The following KLHL29 variants were observed in gnomAD, a reference collection of about 807,000 sequenced individuals.
KLHL29 encodes kelch like family member 29.
KLHL29 carries 21 observed loss-of-function variants against 80.4 expected under a neutral mutation model. The observed-to-expected ratio is 0.26, with a 90% CI of 0.19 to 0.38. The LOEUF (loss-of-function observed/expected upper bound fraction) is 0.38. Ranked by LOEUF, KLHL29 falls within the 10% of genes least tolerant of loss-of-function variation. The probability of loss-of-function intolerance (pLI) is 1.00; values close to 1 mark genes in which losing one functional copy is unlikely to be tolerated. For synonymous variants in KLHL29, 511 were observed against 526.8 expected, an observed-to-expected ratio of 0.97 and a Z score of 0.41; for missense variants, 867 against 1,223.9, an observed-to-expected ratio of 0.71 and a Z score of 4.35.
In KLHL29 at chr2:23,684,915, C is replaced by G. The variant is rs1431277017; in HGVS notation, c.1079+378C>G. Among the ~76,000 whole-genome samples the G allele has an allele frequency of 6.6e-6, 1 of 152,224 alleles. No homozygotes were observed. Among genetic ancestry groups the G allele is most frequent in the Non-Finnish European group, 1.5e-5 (1 of 68,038 alleles). ...AAGGGATCACTACACACTGCCCCCA[C>G]CGGGCCAGAGCAGGATCCCCAGTGC... On this transcript the variant is annotated intron_variant, in intron 6 of 13. Coordinates refer to ENST00000486442, the MANE Select transcript of KLHL29 (RefSeq NM_052920.2). This position sits in a 1 kb window ranked among gnomAD's most constrained non-coding sequence, Gnocchi z 4.4.
At chr2:23,437,385 A>C (rs930847637) in intron 1 of KLHL29, among the ~76,000 whole-genome samples, 3 of 152,192 alleles carry the variant, frequency 2.0e-5, no homozygotes, top group African/African-American at 4.8e-5. Flanking sequence ...GATGAGTTGA[A>C]GGTGGCATCC....
At chr2:23,455,605 AT>A (rs397873479) in intron 1 of KLHL29, among the ~76,000 whole-genome samples, 5,473 of 105,914 alleles carry the variant, frequency 0.052, 84 homozygotes, top group Middle Eastern at 0.096. Flanking sequence ...TGGTCTCCTG[AT>A]TTTTTTTTTT....
At chr2:23,467,200 T>C (rs974894163) in intron 1 of KLHL29, among the ~76,000 whole-genome samples, 3 of 152,180 alleles carry the variant, frequency 2.0e-5, no homozygotes, top group African/African-American at 7.2e-5. Flanking sequence ...TGGCCTCCTT[T>C]CCAGAAGAGC....
intron 2 of KLHL29, among the ~76,000 whole-genome samples, chr2:23,543,541 A>G (rs946754622): frequency 1.3e-5 from 2 of 152,148 alleles, no homozygotes; most frequent in Admixed American, 6.5e-5. Flanking sequence ...AATGAAATCT[A>G]TGTCCCTGCC....
At chr2:23,621,326 A>G (rs1429782994) in intron 3 of KLHL29, among the ~76,000 whole-genome samples, 1 of 152,200 alleles carries the variant, frequency 6.6e-6, no homozygotes, top group African/African-American at 2.4e-5. Context: ...TGATTCTCAC[A>G]TGAGGCCTAG....
chr2:23,627,303 A>C (rs1450805169), intron 3 of KLHL29, among the ~76,000 whole-genome samples: 1 of 152,216 alleles, frequency 6.6e-6, no homozygotes. Context: ...GGGGCCAAAG[A>C]ACACCACGCC....
intron 11 of KLHL29, among the ~76,000 whole-genome samples, chr2:23,701,543 T>C (rs890816988): frequency 1.3e-5 from 2 of 152,140 alleles, no homozygotes; most frequent in Non-Finnish European, 2.9e-5. Flanking sequence ...GGAGACCTCA[T>C]CTCTACGACA....
intron 2 of KLHL29, among the ~76,000 whole-genome samples, chr2:23,526,845 G>A (rs1196598485): frequency 2.6e-5 from 4 of 152,248 alleles, no homozygotes; most frequent in Admixed American, 2.0e-4. Context: ...ACTGATGAAC[G>A]CTGCATGCAC....
rs1553335079 is a variant in KLHL29, at chr2:23,525,730, C to CCG, written c.-45-36421_-45-36420insGC. On this transcript the variant is annotated intron_variant, in intron 2 of 13. Transcript: ENST00000486442. Reference sequence around the variant, plus strand: ...GCCGAGTGAGCCCCAGCCCCTGCCCCCCCCCCCCACCCGAGGCGAGCCAGC... The same window carrying CCG: ...GCCGAGTGAGCCCCAGCCCCTGCCCCCGCCCCCCCCACCCGAGGCGAGCCAGC... Among the ~76,000 whole-genome samples, 22 of 54,630 alleles carry CCG rather than the reference C, an allele frequency of 4.0e-4. No homozygotes were observed. In the East Asian group the frequency reaches 4.1e-3, roughly 10 times the overall value. 35.8% of individuals were successfully genotyped at this position (54,630 alleles called of 152,430 possible). A position where few individuals can be genotyped will look rare whatever the true frequency, so the allele number is the denominator to read the frequency against.
In KLHL29 at chr2:23,642,606, C is replaced by A. The variant is rs1269782937; in HGVS notation, c.696C>A (p.Pro232=). ...PAQALYASPQ[P]LAVSTLPGVG... The stretch of plus-strand genomic sequence containing the variant: ...AGGCCCTGTATGCCAGCCCTCAGCC[C>A]CTGGCCGTGTCCACACTGCCCGGTG... The change falls in exon 5 of 14, where the codon CCC becomes CCA. Residue 232 remains proline (P), a synonymous_variant. Transcript: ENST00000486442. 6.5e-7 allele frequency: 1 copy of A among 1,550,008 alleles called. No individual in the cohort carries two copies. The highest frequency in any genetic ancestry group is 1.4e-5 in the African/African-American group (1 of 73,178).
At chr2:23,470,001 G>T (rs1664453296) in intron 1 of KLHL29, among the ~76,000 whole-genome samples, 1 of 148,520 alleles carries the variant, frequency 6.7e-6, no homozygotes, top group South Asian at 2.2e-4. Flanking sequence ...TTTTGGGGGG[G>T]TCTGCTGTGT....
At chr2:23,407,551 T>A (rs1264478950) in intron 1 of KLHL29, among the ~76,000 whole-genome samples, 2 of 152,184 alleles carry the variant, frequency 1.3e-5, no homozygotes, top group Admixed American at 6.5e-5. Context: ...TTTCAGTTTG[T>A]CATTTGAATT....
intron 5 of KLHL29, among the ~76,000 whole-genome samples, chr2:23,673,229 G>A: frequency 8.3e-6 from 1 of 120,558 alleles, no homozygotes; most frequent in East Asian, 2.3e-4. Flanking sequence ...CACAGGCACA[G>A]ACACACACCC....
intron 2 of KLHL29, among the ~76,000 whole-genome samples, chr2:23,481,616 G>A (rs747960746): frequency 5.9e-5 from 9 of 152,198 alleles, no homozygotes; most frequent in Non-Finnish European, 1.2e-4. Context: ...CCAAGATCCC[G>A]TAGAAGAGGC....
At chr2:23,502,873 C>A (rs902119656) in intron 2 of KLHL29, among the ~76,000 whole-genome samples, 1 of 152,222 alleles carries the variant, frequency 6.6e-6, no homozygotes, top group Non-Finnish European at 1.5e-5. Flanking sequence ...CCTTCTAGGT[C>A]TCTCCCTTTT....
At chr2:23,648,481 G>A (rs543013383) in intron 5 of KLHL29, among the ~76,000 whole-genome samples, 2 of 152,034 alleles carry the variant, frequency 1.3e-5, no homozygotes, top group Non-Finnish European at 2.9e-5. Context: ...CGTCCACCGT[G>A]AACAGAAGAA....
rs572547700 is a variant in KLHL29, at chr2:23,658,925, C to T, written c.940+16075C>T. On this transcript the variant is annotated intron_variant, in intron 5 of 13. Coordinates refer to ENST00000486442, the MANE Select transcript of KLHL29 (RefSeq NM_052920.2). ...GTTTTCTGGTCAGAATTCGGAGGCC[C>T]CAGCCTCAGCGTGGAAGAGTAAGCC... Among the ~76,000 whole-genome samples the T allele has an allele frequency of 1.1e-4, 16 of 152,296 alleles. No homozygotes were observed. In the East Asian group the frequency reaches 3.1e-3, roughly 29 times the overall value.
chr2:23,550,789 A>G (rs1289481542), intron 2 of KLHL29, among the ~76,000 whole-genome samples: 1 of 152,224 alleles, frequency 6.6e-6, no homozygotes, highest in Non-Finnish European at 1.5e-5. Context: ...CCAGGCACCG[A>G]GTAGGATTCA....
chr2:23,694,192 C>T (rs1047195572), intron 8 of KLHL29, among the ~76,000 whole-genome samples: 16 of 152,186 alleles, frequency 1.1e-4, no homozygotes, highest in Non-Finnish European at 2.1e-4. Context: ...CCTGCAGATC[C>T]GTCTAATTCA....
Sources: gnomAD v4.1 joint callset for allele counts (sites outside exome capture counted in the v4.1 genomes callset) on GRCh38, gnomAD v4.1.1 for gene constraint, Gnocchi (gnomAD v3.1) non-coding constraint, MANE v1.5 for transcripts, NCBI Gene and HGNC (gene_info 2026-07-23, HGNC 2026-07-21) for gene names.